Variants in ZSCAN26 observed in about 807,000 individuals in gnomAD.
The protein encoded by ZSCAN26 is zinc finger and SCAN domain containing 26, also known as zinc finger and SCAN domain-containing protein 26.
Under a neutral mutation model 23.0 loss-of-function variants are expected in ZSCAN26, and 26 were observed. The ratio of observed to expected loss-of-function variants is 1.13; its 90% CI spans 0.83 to 1.57. The LOEUF (loss-of-function observed/expected upper bound fraction) is 1.57. ZSCAN26 is among the 40% of genes most tolerant of loss of function. The pLI, the probability that ZSCAN26 is intolerant of heterozygous loss-of-function variation, is 0.00. For missense variants in ZSCAN26, 528 were observed against 568.5 expected (o/e 0.93, Z 0.72); for synonymous variants, 180 against 202.5 (o/e 0.89, Z 0.94).
chr6:28,276,854 T>G lies in ZSCAN26; in HGVS notation c.1198T>G (p.Cys400Gly), dbSNP rs768008002. 2 of 1,613,870 alleles carry G rather than the reference T, an allele frequency of 1.2e-6. No homozygotes were observed. Among genetic ancestry groups the G allele is most frequent in the Non-Finnish European group, 1.7e-6 (2 of 1,179,854 alleles). The change falls in exon 4 of 4, where the codon TGT becomes GGT. Residue 400 changes from cysteine (C) to glycine (G), a missense_variant. Physicochemically the swap from Cys to Gly is radical, Grantham distance 159. Coordinates refer to ENST00000421553, the MANE Select transcript of ZSCAN26 (RefSeq NM_001023560.4). Reference protein sequence around the residue: ...SHSKSHQCNECGKAFSLTSDL... With the variant: ...SHSKSHQCNEGGKAFSLTSDL... ...CTCCAAAAGCCATCAATGTAACGAG[T>G]GTGGAAAAGCTTTCAGTTTGACCTC...
Position 28,272,193 on chromosome 6 carries a change from G to T in ZSCAN26, c.274G>T (p.Glu92Ter), listed in dbSNP as rs1427190708. ...GACCCATACCAAGGAGCAGATCCTG[G>T]AGCTGCTGGTGCTGGAGCAGTTTCT... ...PETHTKEQILELLVLEQFLII... is the reference protein window; with the variant it reads ...PETHTKEQIL Residue 92 changes from glutamate (E) to a stop codon, truncating the protein, a stop_gained, in exon 2 of 4, where the codon GAG (glutamate) becomes TAG (stop). Coordinates refer to ENST00000421553, the MANE Select transcript of ZSCAN26 (RefSeq NM_001023560.4). LOFTEE classifies it high-confidence loss of function. 2 of 1,614,110 alleles carry T rather than the reference G, an allele frequency of 1.2e-6. No homozygotes were observed. The highest frequency in any genetic ancestry group is 1.7e-5 in the Admixed American group (1 of 60,000).
chr6:28,272,388 T>G, intron 2 of ZSCAN26, 49 bp downstream of exon 2: 346 of 1,416,646 alleles, frequency 2.4e-4, no homozygotes, highest in Non-Finnish European at 2.9e-4. Context: ...TTGAGATCTC[T>G]GGCCAGACAG....
At position 28,276,738 on chromosome 6, in the gene ZSCAN26, ACAGT is replaced by A. The variant is rs1224697753; in HGVS notation, c.1086_1089del (p.Ser362ArgfsTer44). 10 of 1,613,654 alleles carry A rather than the reference ACAGT, an allele frequency of 6.2e-6. No individual in the cohort carries two copies. Among genetic ancestry groups the A allele is most frequent in the Middle Eastern group, 1.6e-4 (1 of 6,084 alleles). ...CACCTTAATCGACATCAGAGAATTCACAGTCAGGAGGAGCCCTGTGAGTGCAAGG... is the reference window on the plus strand; with the variant it reads ...CACCTTAATCGACATCAGAGAATTCACAGGAGGAGCCCTGTGAGTGCAAGG... On this transcript the variant is annotated frameshift_variant, in exon 4 of 4. Coordinates refer to ENST00000421553, the MANE Select transcript of ZSCAN26 (RefSeq NM_001023560.4). LOFTEE classifies it low-confidence loss of function (END_TRUNC).
chr6:28,276,323 C>G lies in ZSCAN26; in HGVS notation c.667C>G (p.Gln223Glu), dbSNP rs747182472. The G allele has an allele frequency of 2.5e-6, 4 of 1,613,846 alleles. No individual in the cohort carries two copies. The African/African-American group carries it at 4.0e-5, about 16-fold the overall frequency. ...TGAGGGCTCTAACTTGGAAAGGCAT[C>G]AGGCCAAGCCCAAAGAGAAGATTGA... is the stretch of plus-strand genomic sequence containing the variant. ...HNEGSNLERH[Q>E]AKPKEKIEYK... Residue 223 changes from glutamine to glutamate, a missense_variant, in exon 4 of 4, where the codon CAG (glutamine) becomes GAG (glutamate). By Grantham distance (29) the Gln-to-Glu change is conservative (BLOSUM62 2). Coordinates refer to ENST00000421553, the MANE Select transcript of ZSCAN26 (RefSeq NM_001023560.4).
chr6:28,277,070 T>TA lies in ZSCAN26; in HGVS notation c.1415dup (p.Tyr472Ter), dbSNP rs758411154. ...QRSGLFQHQR[Y>*]HHKDKLA ...GTCAGGTCTTTTTCAACATCAGAGA[T>TA]ATCACCACAAAGACAAACTGGCTTG... Residue 472 changes from tyrosine to a stop codon, truncating the protein, a stop_gained and frameshift_variant, in exon 4 of 4, where the codon TAT (tyrosine) becomes TAAT (stop). Coordinates refer to ENST00000421553, the MANE Select transcript of ZSCAN26 (RefSeq NM_001023560.4). LOFTEE classifies it high-confidence loss of function. 4 of 1,613,470 alleles carry TA rather than the reference T, an allele frequency of 2.5e-6. No individual in the cohort carries two copies. Among genetic ancestry groups the TA allele is most frequent in the East Asian group, 2.2e-5 (1 of 44,882 alleles).
At position 28,272,020 on chromosome 6, in the gene ZSCAN26, A is replaced by G. The variant is rs191270314; in HGVS notation, c.101A>G (p.Gln34Arg). The change falls in exon 2 of 4, where the codon CAG becomes CGG. Residue 34 changes from glutamine (Q) to arginine (R), a missense_variant. Transcript: ENST00000421553. ...VREDHYSTWE[Q>R]GFKLQGNSKG... ...GAGGATCACTACTCTACTTGGGAACAGGGATTCAAGCTGCAAGGAAACAGT... is the reference window on the plus strand; with the variant it reads ...GAGGATCACTACTCTACTTGGGAACGGGGATTCAAGCTGCAAGGAAACAGT... The G allele has an allele frequency of 6.4e-7, 1 of 1,551,898 alleles. No individual in the cohort carries two copies. The highest frequency in any genetic ancestry group is 1.4e-5 in the African/African-American group (1 of 73,182).
chr6:28,277,244 T>C lies in ZSCAN26; in HGVS notation c.*148T>C. On this transcript the variant is annotated 3_prime_UTR_variant, in exon 4 of 4. Coordinates refer to ENST00000421553, the MANE Select transcript of ZSCAN26 (RefSeq NM_001023560.4). Reference sequence around the variant, plus strand: ...CCTGCCTCTATTCTCTCTCCTTTGCTTTCCTTGAAGTCAGCTTTGGACCAC... The same window carrying C: ...CCTGCCTCTATTCTCTCTCCTTTGCCTTCCTTGAAGTCAGCTTTGGACCAC... 1 of 760,164 alleles carries C rather than the reference T, an allele frequency of 1.3e-6. No individual in the cohort carries two copies. Among genetic ancestry groups the C allele is most frequent in the Non-Finnish European group, 2.1e-6 (1 of 475,918 alleles). The allele number at this position is 760,164 out of a possible 1,614,324, so 47.1% of individuals were successfully genotyped here.
At position 28,272,135 on chromosome 6, in the gene ZSCAN26, C is replaced by G; in HGVS notation, c.216C>G (p.Leu72=). ...GACCTCGAGAAGCACTAAGTCGGCT[C>G]CGGGAGCTCTGTCAACAGTGGCTAC... ...TTGPREALSR[L]RELCQQWLQP... Residue 72 remains leucine, a synonymous_variant, in exon 2 of 4, where the codon CTC becomes CTG. Coordinates refer to ENST00000421553, the MANE Select transcript of ZSCAN26 (RefSeq NM_001023560.4). The G allele has an allele frequency of 1.2e-6, 2 of 1,610,624 alleles. No homozygotes were observed. Among genetic ancestry groups the G allele is most frequent in the Non-Finnish European group, 1.7e-6 (2 of 1,178,288 alleles).
chr6:28,272,279 G>C lies in ZSCAN26; in HGVS notation c.360G>C (p.Glu120Asp). The C allele has an allele frequency of 6.3e-7, 1 of 1,598,904 alleles. No homozygotes were observed. The highest frequency in any genetic ancestry group is 8.5e-7 in the Non-Finnish European group (1 of 1,172,340). Residue 120 changes from glutamate to aspartate, a missense_variant, in exon 2 of 4, where the codon GAG (glutamate) becomes GAC (aspartate). Physicochemically the swap from Glu to Asp is conservative, Grantham distance 45. Transcript: ENST00000421553. Reference protein sequence around the residue: ...RVQEHHPESREDVVVVLEDLQ... With the variant: ...RVQEHHPESRDDVVVVLEDLQ... ...AGGAGCATCACCCAGAGAGCAGGGA[G>C]GACGTGGTTGTTGTTCTGGAGGATT... is the stretch of plus-strand genomic sequence containing the variant.
chr6:28,271,962 AATCT>A lies in ZSCAN26; in HGVS notation c.44_47del (p.Asn15ArgfsTer8). 6.4e-7 allele frequency: 1 copy of A among 1,551,666 alleles called. No homozygotes were observed. The highest frequency in any genetic ancestry group is 8.7e-7 in the Non-Finnish European group (1 of 1,146,970). On this transcript the variant is annotated frameshift_variant, in exon 2 of 4. Coordinates refer to ENST00000421553, the MANE Select transcript of ZSCAN26 (RefSeq NM_001023560.4). LOFTEE classifies it high-confidence loss of function. Reference sequence around the variant, plus strand: ...GAGTGCCCATTCCCTGGCTCCCCTGAATCTGAAGAAGGAGGGGCTTCGGGTAGTG... The same window carrying A: ...GAGTGCCCATTCCCTGGCTCCCCTGAGAAGAAGGAGGGGCTTCGGGTAGTG...
At chr6:28,269,440 G>A in intron 1 of ZSCAN26, among the ~76,000 whole-genome samples, 1 of 152,100 alleles carries the variant, frequency 6.6e-6, no homozygotes, top group East Asian at 1.9e-4. Context: ...TTACTATAGG[G>A]AATTAGCATA....
At chr6:28,271,824 T>C in intron 1 of ZSCAN26, 30 bp from the exon 2 acceptor site, 2 of 1,112,262 alleles carry the variant, frequency 1.8e-6, no homozygotes, top group Non-Finnish European at 1.3e-6. Context: ...ACTATTACTG[T>C]TTCTGTCACT....
At chr6:28,275,053 T>G (rs1049813773) in intron 3 of ZSCAN26, among the ~76,000 whole-genome samples, 3 of 152,142 alleles carry the variant, frequency 2.0e-5, no homozygotes, top group Non-Finnish European at 4.4e-5. Context: ...TTCTCTGATG[T>G]CTCCTTACTA....
In ZSCAN26 at chr6:28,272,178, A is replaced by G; in HGVS notation, c.259A>G (p.Lys87Glu). ...GTGGCTACAGCCCGAGACCCATACCAAGGAGCAGATCCTGGAGCTGCTGGT... is the reference window on the plus strand; with the variant it reads ...GTGGCTACAGCCCGAGACCCATACCGAGGAGCAGATCCTGGAGCTGCTGGT... The part of the protein sequence containing the change: ...QQWLQPETHT[K>E]EQILELLVLE... Residue 87 changes from lysine to glutamate, a missense_variant, in exon 2 of 4, where the codon AAG (lysine) becomes GAG (glutamate). Coordinates refer to ENST00000421553, the MANE Select transcript of ZSCAN26 (RefSeq NM_001023560.4). 1.2e-6 allele frequency: 2 copies of G among 1,613,974 alleles called. No individual in the cohort carries two copies. Among genetic ancestry groups the G allele is most frequent in the Non-Finnish European group, 1.7e-6 (2 of 1,179,982 alleles).
At position 28,276,507 on chromosome 6, in the gene ZSCAN26, A is replaced by T; in HGVS notation, c.851A>T (p.Gln284Leu). 1 of 1,613,990 alleles carries T rather than the reference A, an allele frequency of 6.2e-7. No individual in the cohort carries two copies. The highest frequency in any genetic ancestry group is 1.7e-5 in the Admixed American group (1 of 60,012). Residue 284 changes from glutamine to leucine, a missense_variant, in exon 4 of 4, where the codon CAG becomes CTG. Coordinates refer to ENST00000421553, the MANE Select transcript of ZSCAN26 (RefSeq NM_001023560.4). ...GTCCTCTCTAGAGAGAAAGGTCATC[A>T]GTGTCATGAGTGTGGGAAAGCCTTT... ...KKVLSREKGH[Q>L]CHECGKAFQR...
chr6:28,276,551 G>A lies in ZSCAN26; in HGVS notation c.895G>A (p.Val299Ile), dbSNP rs368346312. Residue 299 changes from valine (V) to isoleucine (I), a missense_variant, in exon 4 of 4, where the codon GTC (valine) becomes ATC (isoleucine). Val to Ile is a conservative substitution (Grantham distance 29). Transcript: ENST00000421553. ...GKAFQRSSHL[V>I]RHQKIHLGEK... ...AGCCTTTCAGAGGAGTTCACACCTC[G>A]TCAGACATCAGAAAATCCATCTTGG... The A allele has an allele frequency of 3.7e-6, 6 of 1,613,402 alleles. No individual in the cohort carries two copies. The highest frequency in any genetic ancestry group is 2.7e-5 in the African/African-American group (2 of 74,918).
rs1444738172 is a variant in ZSCAN26 at position 28,276,677 on chromosome 6, T to C, written c.1021T>C (p.Cys341Arg). The change falls in exon 4 of 4, where the codon TGT becomes CGT. Residue 341 changes from cysteine (C) to arginine (R), a missense_variant. Physicochemically the swap from Cys to Arg is radical, Grantham distance 180. Coordinates refer to ENST00000421553, the MANE Select transcript of ZSCAN26 (RefSeq NM_001023560.4). ...RIHTGEKPYL[C>R]IHCGKNFRRS... ...TCATACTGGAGAGAAACCTTATCTA[T>C]GTATCCATTGTGGAAAAAATTTTAG... 4.3e-6 allele frequency: 7 copies of C among 1,611,702 alleles called. No homozygotes were observed. The highest frequency in any genetic ancestry group is 2.2e-5 in the East Asian group (1 of 44,862).
rs1035776512 is a variant in ZSCAN26, at chr6:28,277,363, A to G, written c.*267A>G. On this transcript the variant is annotated 3_prime_UTR_variant, in exon 4 of 4. Coordinates refer to ENST00000421553, the MANE Select transcript of ZSCAN26 (RefSeq NM_001023560.4). ...GAGCATGTAACATAACTGCATGATT[A>G]TATACTCTAAGCAATAGAGAGCTTC... is the stretch of plus-strand genomic sequence containing the variant. 5 of 445,226 alleles carry G rather than the reference A, an allele frequency of 1.1e-5. No individual in the cohort carries two copies. The highest frequency in any genetic ancestry group is 3.8e-5 in the Admixed American group (1 of 26,350). 27.6% of individuals were successfully genotyped at this position (445,226 alleles called of 1,614,324 possible). A position where few individuals can be genotyped will look rare whatever the true frequency, so the allele number is the denominator to read the frequency against.
intron 3 of ZSCAN26, among the ~76,000 whole-genome samples, chr6:28,274,272 C>A (rs1176145803): frequency 6.6e-6 from 1 of 152,124 alleles, no homozygotes. Context: ...TATGTAAAAT[C>A]ATGCTTTACA....
Sources: gnomAD v4.1 joint callset for allele counts (sites outside exome capture counted in the v4.1 genomes callset) on GRCh38, gnomAD v4.1.1 for gene constraint, MANE v1.5 for transcripts, NCBI Gene and HGNC (gene_info 2026-07-23, HGNC 2026-07-21) for gene names.